LDHAL6A: variants seen among roughly 807,000 people sequenced by gnomAD.
LDHAL6A encodes the protein L-lactate dehydrogenase A-like 6A.
Under a neutral mutation model 28.2 loss-of-function variants are expected in LDHAL6A, and 19 were observed. That is an observed-to-expected ratio of 0.67 (90% CI 0.47 to 0.99). LDHAL6A has a LOEUF of 0.99. Ranked by LOEUF, LDHAL6A falls within the 50% of genes least tolerant of loss-of-function variation. The probability of loss-of-function intolerance (pLI) is 0.00; values close to 1 mark genes in which losing one functional copy is unlikely to be tolerated. For synonymous variants in LDHAL6A, 144 were observed against 134.4 expected, an observed-to-expected ratio of 1.07 and a Z score of -0.49; for missense variants, 372 against 398.6, an observed-to-expected ratio of 0.93 and a Z score of 0.57.
chr11:18,463,456 T>TTATAAGGTACTCAG (rs1331524832), intron 1 of LDHAL6A, among the ~76,000 whole-genome samples: 2 of 152,326 alleles, frequency 1.3e-5, no homozygotes, highest in East Asian at 3.9e-4. Flanking sequence ...TTCCTTTTCT[T>TTATAAGGTACTCAG]TATAAGGTAC....
At chr11:18,467,920 C>CACACACACATATATATATATATATATAT (rs1849126848) in intron 3 of LDHAL6A, among the ~76,000 whole-genome samples, 1 of 42,032 alleles carries the variant, frequency 2.4e-5, no homozygotes, top group Non-Finnish European at 3.9e-5. Flanking sequence ...TATATATATA[C>CACACACACATATATATATATATATATAT]ACACACATAT....
chr11:18,462,503 G>GGC (rs1373430319), intron 1 of LDHAL6A, among the ~76,000 whole-genome samples: 1 of 151,986 alleles, frequency 6.6e-6, no homozygotes, highest in Non-Finnish European at 1.5e-5. Flanking sequence ...CAGGTGTGGT[G>GGC]GCGGGCGCCT....
chr11:18,477,476 A>C (rs1849415533), intron 5 of LDHAL6A, 144 bp from the exon 6 acceptor site: 2 of 713,242 alleles, frequency 2.8e-6, no homozygotes, highest in Non-Finnish European at 4.4e-6. Flanking sequence ...AAGAAAGAAA[A>C]AATGCATACA....
intron 1 of LDHAL6A, among the ~76,000 whole-genome samples, chr11:18,462,871 G>A (rs1222736596): frequency 6.6e-6 from 1 of 150,800 alleles, no homozygotes; most frequent in African/African-American, 2.4e-5. Flanking sequence ...AAACATACAT[G>A]GAGAAGTCAT....
In LDHAL6A at chr11:18,475,957, T is replaced by C. The variant is rs149076314; in HGVS notation, c.592+318T>C. The stretch of plus-strand genomic sequence containing the variant: ...TAGTTCAGAAAGGTCAGCAGTGTAC[T>C]TCATGTAGTAGGCAGTCTTCAGATT... On this transcript the variant is annotated intron_variant, in intron 4 of 6. Transcript: ENST00000280706. Among the ~76,000 whole-genome samples, 209 of 152,050 alleles carry C rather than the reference T, an allele frequency of 1.4e-3. 1 individual carries two copies. Among genetic ancestry groups the C allele is most frequent in the African/African-American group, 4.7e-3 (193 of 41,466 alleles).
Position 18,464,919 on chromosome 11 carries a change from T to G in LDHAL6A, c.245-718T>G, listed in dbSNP as rs140029936. On this transcript the variant is annotated intron_variant, in intron 2 of 6. Transcript: ENST00000280706. ...ATATTCTTGCCAGAGTAATCCATAT[T>G]TTGACCTCTTCATCTAAATAATACA... 2.2e-4 allele frequency among the ~76,000 whole-genome samples: 34 copies of G among 151,994 alleles called. No homozygotes were observed. In the East Asian group the frequency reaches 6.0e-3, roughly 27 times the overall value.
chr11:18,477,764 A>G lies in LDHAL6A; in HGVS notation c.834+21A>G. Reference sequence around the variant, plus strand: ...GTAAGGTAGGACATTCATGTTCGAAAAATCATTAACTCAACATAAAATAGG... The same window carrying G: ...GTAAGGTAGGACATTCATGTTCGAAGAATCATTAACTCAACATAAAATAGG... On this transcript the variant is annotated intron_variant, in intron 6 of 6. Transcript: ENST00000280706. 3.2e-6 allele frequency: 5 copies of G among 1,579,914 alleles called. No individual in the cohort carries two copies. In the South Asian group the frequency reaches 4.7e-5, roughly 15 times the overall value.
intron 3 of LDHAL6A, among the ~76,000 whole-genome samples, chr11:18,467,276 T>A (rs1849099295): frequency 6.6e-6 from 1 of 152,226 alleles, no homozygotes; most frequent in African/African-American, 2.4e-5. Flanking sequence ...TTATAAAATA[T>A]TCACATGGCT....
At chr11:18,460,923 C>T (rs1163779681) in intron 1 of LDHAL6A, among the ~76,000 whole-genome samples, 11 of 152,036 alleles carry the variant, frequency 7.2e-5, no homozygotes, top group East Asian at 1.9e-4. Context: ...CAGCAACCTC[C>T]GCCTCCCGGG....
At position 18,465,001 on chromosome 11, in the gene LDHAL6A, T is replaced by TTG. The variant is rs1849025165; in HGVS notation, c.245-636_245-635insTG. Among the ~76,000 whole-genome samples, 4 of 144,422 alleles carry TTG rather than the reference T, an allele frequency of 2.8e-5. 2 individuals carry two copies. The highest frequency in any genetic ancestry group is 1.1e-4 in the African/African-American group (4 of 37,040). 94.7% of individuals were successfully genotyped at this position (144,422 alleles called of 152,430 possible). A position where few individuals can be genotyped will look rare whatever the true frequency, so the allele number is the denominator to read the frequency against. The stretch of plus-strand genomic sequence containing the variant: ...TGTTTTTTTTTGTTTTGTTTTGTTT[T>TTG]GGTTTGTTTTTGAGACAGTGTCTTG... On this transcript the variant is annotated intron_variant, in intron 2 of 6. Transcript: ENST00000280706.
At chr11:18,461,935 G>C (rs116446250) in intron 1 of LDHAL6A, among the ~76,000 whole-genome samples, 1,996 of 151,684 alleles carry the variant, frequency 0.013, 40 homozygotes, top group African/African-American at 0.045. Flanking sequence ...CGGATCACTT[G>C]AGTCCTGGAC....
chr11:18,463,871 A>T, intron 1 of LDHAL6A, 90 bp from the exon 2 acceptor site: 1 of 788,082 alleles, frequency 1.3e-6, no homozygotes, highest in Non-Finnish European at 2.3e-6. Context: ...TTCACAAGCT[A>T]GACATAGATC....
At position 18,465,757 on chromosome 11, in the gene LDHAL6A, C is replaced by T. The variant is rs772807981; in HGVS notation, c.365C>T (p.Pro122Leu). The T allele has an allele frequency of 4.3e-6, 7 of 1,613,448 alleles. No individual in the cohort carries two copies. The highest frequency in any genetic ancestry group is 4.0e-5 in the African/African-American group (3 of 74,898). The change falls in exon 3 of 7, where the codon CCC (proline) becomes CTC (leucine). Residue 122 changes from proline to leucine, a missense_variant. By Grantham distance (98) the Pro-to-Leu change is moderately conservative (BLOSUM62 -3). Transcript: ENST00000280706. Reference sequence around the variant, plus strand: ...GTATCCATCTTTAAATTAATGATTCCCAATATTACCCAGTACAGTCCTCAC... The same window carrying T: ...GTATCCATCTTTAAATTAATGATTCTCAATATTACCCAGTACAGTCCTCAC... ...RNVSIFKLMI[P>L]NITQYSPHCK...
chr11:18,456,639 G>A lies in LDHAL6A; in HGVS notation c.-42G>A. The A allele has an allele frequency of 3.1e-6, 5 of 1,605,466 alleles. No individual in the cohort carries two copies. Among genetic ancestry groups the A allele is most frequent in the Non-Finnish European group, 4.3e-6 (5 of 1,173,294 alleles). On this transcript the variant is annotated 5_prime_UTR_variant, in exon 1 of 7. It introduces an in-frame stop codon into an upstream open reading frame of the 5' UTR. Coordinates refer to ENST00000280706, the MANE Select transcript of LDHAL6A (RefSeq NM_144972.5). ...CAAGCCATTTCCAATTCCAGGTCTT[G>A]GAAATGGCTGTGCAATTTGTCTTCA... is the stretch of plus-strand genomic sequence containing the variant.
At chr11:18,462,243 G>C (rs1427495917) in intron 1 of LDHAL6A, among the ~76,000 whole-genome samples, 1 of 151,946 alleles carries the variant, frequency 6.6e-6, no homozygotes, top group Admixed American at 6.6e-5. Context: ...GCTTGTGCCT[G>C]TAATCCCATC....
intron 3 of LDHAL6A, 62 bp from the exon 4 acceptor site, chr11:18,475,401 GGTA>G: frequency 7.7e-7 from 1 of 1,297,016 alleles, no homozygotes; most frequent in Non-Finnish European, 1.1e-6. Context: ...TTTTAAGTTA[GGTA>G]AATCTAAAAA....
intron 1 of LDHAL6A, among the ~76,000 whole-genome samples, chr11:18,462,660 A>AAAAAAAAAAAAAAACC (rs1848954918): frequency 7.1e-6 from 1 of 140,362 alleles, no homozygotes; most frequent in Non-Finnish European, 1.6e-5. Flanking sequence ...ACAAACAAAA[A>AAAAAAAAAAAAAAACC]AAAAAACAAA....
intron 1 of LDHAL6A, among the ~76,000 whole-genome samples, chr11:18,463,351 GGGACTCTGCA>G (rs1455921193): frequency 6.6e-6 from 1 of 152,084 alleles, no homozygotes; most frequent in Non-Finnish European, 1.5e-5. Context: ...GTGCTGCCTT[GGGACTCTGCA>G]GAGTCTCCTC....
rs1565070820 is a variant in LDHAL6A, at chr11:18,467,896, TATATATATATATATATATATATAC to T, written c.418+2088_418+2111del. 3.4e-4 allele frequency among the ~76,000 whole-genome samples: 23 copies of T among 68,572 alleles called. 2 individuals carry two copies. The highest frequency in any genetic ancestry group is 1.5e-3 in the African/African-American group (19 of 12,358). 45.0% of individuals were successfully genotyped at this position (68,572 alleles called of 152,430 possible). A position where few individuals can be genotyped will look rare whatever the true frequency, so the allele number is the denominator to read the frequency against. Reference sequence around the variant, plus strand: ...ATATACACACATATATATATATATATATATATATATATATATATATATACACACACATATATATATACACACACA... The same window carrying T: ...ATATACACACATATATATATATATATACACACATATATATATACACACACA... On this transcript the variant is annotated intron_variant, in intron 3 of 6. Transcript: ENST00000280706.
Sources: allele counts gnomAD v4.1 joint callset (sites outside exome capture counted in the v4.1 genomes callset), GRCh38; gene constraint gnomAD v4.1.1; transcripts MANE v1.5; gene names NCBI Gene and HGNC (gene_info 2026-07-23, HGNC 2026-07-21).